CHRM3: variants seen among roughly 807,000 people sequenced by gnomAD.
CHRM3 encodes the protein cholinergic receptor muscarinic 3.
In CHRM3, 11 loss-of-function variants were observed where a neutral mutation model predicts 41.8. The ratio of observed to expected loss-of-function variants is 0.26; its 90% confidence interval spans 0.17 to 0.44. The LOEUF is 0.44. Ranked by LOEUF, CHRM3 falls within the 20% of genes least tolerant of loss-of-function variation. The pLI, the probability that CHRM3 is intolerant of heterozygous loss-of-function variation, is 1.00. For synonymous variants in CHRM3, 297 were observed against 301.4 expected (o/e 0.99, Z 0.15); for missense variants, 571 against 745.4 (o/e 0.77, Z 2.72).
At chr1:239,534,117 C>A (rs1657965135) in intron 2 of CHRM3, among the ~76,000 whole-genome samples, 1 of 152,154 alleles carries the variant, frequency 6.6e-6, no homozygotes, top group Non-Finnish European at 1.5e-5. Flanking sequence ...CGCTTGAGGT[C>A]AGGAGTTCGA....
intron 5 of CHRM3, among the ~76,000 whole-genome samples, chr1:239,686,934 T>G (rs1035494393): frequency 2.0e-5 from 3 of 152,134 alleles, no homozygotes; most frequent in Non-Finnish European, 4.4e-5. Flanking sequence ...TTTAATAGCT[T>G]TAATAACAGG....
In CHRM3 at chr1:239,883,498, C is replaced by G. The variant is rs1006138583; in HGVS notation, c.-19-23935C>G. Among the ~76,000 whole-genome samples, 8 of 152,134 alleles carry G rather than the reference C, an allele frequency of 5.3e-5. No individual in the cohort carries two copies. In the East Asian group the frequency reaches 1.3e-3, roughly 26 times the overall value. On this transcript the variant is annotated intron_variant, in intron 6 of 6. Transcript: ENST00000676153. ...GTTTATATTACTTATTTAGCAAACA[C>G]TGCTTGCTCTCTATGTGCTGAGCAT...
At position 239,530,970 on chromosome 1, in the gene CHRM3, AAG is replaced by A. The variant is rs1238603719; in HGVS notation, c.-421-14669_-421-14668del. ...GTGAAACATATCAATCTACATATTCAAGAAGCTCAACGAACTGCAAGTCAGAG... is the reference window on the plus strand; with the variant it reads ...GTGAAACATATCAATCTACATATTCAAAGCTCAACGAACTGCAAGTCAGAG... On this transcript the variant is annotated intron_variant, in intron 2 of 6. Coordinates refer to ENST00000676153, the MANE Select transcript of CHRM3 (RefSeq NM_001375978.1). Among the ~76,000 whole-genome samples, 4 of 152,306 alleles carry A rather than the reference AAG, an allele frequency of 2.6e-5. No individual in the cohort carries two copies. The East Asian group carries it at 7.7e-4, about 29-fold the overall frequency.
chr1:239,535,444 T>C (rs1244581066), intron 2 of CHRM3, among the ~76,000 whole-genome samples: 1 of 150,088 alleles, frequency 6.7e-6, no homozygotes, highest in Non-Finnish European at 1.5e-5. Context: ...CACCAAGTCT[T>C]ACTTAAGATG....
chr1:239,609,196 A>C (rs1317231285), intron 3 of CHRM3, among the ~76,000 whole-genome samples: 1 of 152,182 alleles, frequency 6.6e-6, no homozygotes, highest in Non-Finnish European at 1.5e-5. Flanking sequence ...GCTTTCTGTC[A>C]GTATAGATTA....
chr1:239,852,832 GTAT>G (rs1674805218), intron 6 of CHRM3, among the ~76,000 whole-genome samples: 1 of 152,062 alleles, frequency 6.6e-6, no homozygotes. Flanking sequence ...ACACTTAATA[GTAT>G]TATTATGGGA....
intron 5 of CHRM3, among the ~76,000 whole-genome samples, chr1:239,777,863 A>C (rs1416892035): frequency 2.0e-5 from 3 of 152,174 alleles, no homozygotes; most frequent in African/African-American, 4.8e-5. Flanking sequence ...GACCTAGATA[A>C]AATGCCTTTG....
In CHRM3 at chr1:239,682,264, G is replaced by A. The variant is rs1207773546; in HGVS notation, c.-147+3976G>A. On this transcript the variant is annotated intron_variant, in intron 5 of 6. Transcript: ENST00000676153. Reference sequence around the variant, plus strand: ...TCCTTCGTGAATAGAGCTGTAATGAGGTCACAGATTCCTTTCAAGCCATTT... The same window carrying A: ...TCCTTCGTGAATAGAGCTGTAATGAAGTCACAGATTCCTTTCAAGCCATTT... Among the ~76,000 whole-genome samples, 6 of 152,168 alleles carry A rather than the reference G, an allele frequency of 3.9e-5. No homozygotes were observed. In the East Asian group the frequency reaches 7.7e-4, roughly 20 times the overall value.
intron 2 of CHRM3, among the ~76,000 whole-genome samples, chr1:239,519,705 C>T (rs1253800176): frequency 6.9e-6 from 1 of 145,700 alleles, no homozygotes; most frequent in Admixed American, 6.8e-5. Context: ...GCCATTACAA[C>T]TTACCTTGCC....
At chr1:239,680,220 A>G (rs530053332) in intron 5 of CHRM3, among the ~76,000 whole-genome samples, 3 of 152,132 alleles carry the variant, frequency 2.0e-5, no homozygotes, top group Admixed American at 6.5e-5. Flanking sequence ...TATAGAAAAT[A>G]TCTGGTTGAC....
Position 239,638,704 on chromosome 1 carries a change from T to G in CHRM3, c.-250+6418T>G, listed in dbSNP as rs867570931. 5.9e-4 allele frequency among the ~76,000 whole-genome samples: 90 copies of G among 152,254 alleles called. 1 individual carries two copies. The Middle Eastern group carries it at 0.014, about 23-fold the overall frequency. The stretch of plus-strand genomic sequence containing the variant: ...GTAGGTTGCGAAAATTTTCTCCCAT[T>G]TTGTAGGTTGCTGGTTCACTCTGAT... On this transcript the variant is annotated intron_variant, in intron 4 of 6. Coordinates refer to ENST00000676153, the MANE Select transcript of CHRM3 (RefSeq NM_001375978.1).
chr1:239,907,059 CA>C lies in CHRM3; in HGVS notation c.-19-373del, dbSNP rs1387086806. On this transcript the variant is annotated intron_variant, in intron 6 of 6. Coordinates refer to ENST00000676153, the MANE Select transcript of CHRM3 (RefSeq NM_001375978.1). The surrounding 1 kb of genome is among the most constrained non-coding windows in gnomAD (Gnocchi z 5.4). Reference sequence around the variant, plus strand: ...AAATCAAGTCAAGTTATCAATTTAGCATGAAGATAAAGCTGTTTGGATAATT... The same window carrying C: ...AAATCAAGTCAAGTTATCAATTTAGCTGAAGATAAAGCTGTTTGGATAATT... Among the ~76,000 whole-genome samples the C allele has an allele frequency of 2.0e-5, 3 of 152,132 alleles. No individual in the cohort carries two copies. Among genetic ancestry groups the C allele is most frequent in the Non-Finnish European group, 4.4e-5 (3 of 68,026 alleles).
chr1:239,547,612 C>A (rs1433621282), intron 3 of CHRM3, among the ~76,000 whole-genome samples: 1 of 152,120 alleles, frequency 6.6e-6, no homozygotes, highest in Non-Finnish European at 1.5e-5. Context: ...GATGGCTTAA[C>A]ACAGCATCCA....
chr1:239,633,128 T>C (rs1670047577), intron 4 of CHRM3, among the ~76,000 whole-genome samples: 1 of 152,140 alleles, frequency 6.6e-6, no homozygotes, highest in Non-Finnish European at 1.5e-5. Context: ...GCTGCCACCA[T>C]GCCTGGCTAA....
chr1:239,722,679 C>T (rs1663086704), intron 5 of CHRM3, among the ~76,000 whole-genome samples: 1 of 151,838 alleles, frequency 6.6e-6, no homozygotes, highest in Non-Finnish European at 1.5e-5. Flanking sequence ...GAACTTTGTA[C>T]AAATAATGCA....
chr1:239,851,563 A>G (rs1674696968), intron 6 of CHRM3, among the ~76,000 whole-genome samples: 1 of 152,178 alleles, frequency 6.6e-6, no homozygotes, highest in African/African-American at 2.4e-5. Context: ...AAATTTGACC[A>G]CATTTGATTA....
At chr1:239,405,132 T>C (rs1660493543) in intron 1 of CHRM3, among the ~76,000 whole-genome samples, 1 of 152,170 alleles carries the variant, frequency 6.6e-6, no homozygotes, top group Admixed American at 6.5e-5. Context: ...TCAAAAATCA[T>C]ACAACTAATA....
At chr1:239,765,357 G>A (rs1313893822) in intron 5 of CHRM3, among the ~76,000 whole-genome samples, 2 of 152,118 alleles carry the variant, frequency 1.3e-5, no homozygotes, top group South Asian at 2.1e-4. Context: ...TGCTACTTAC[G>A]CACTCACCAC....
chr1:239,743,289 C>T (rs1665018775), intron 5 of CHRM3, among the ~76,000 whole-genome samples: 1 of 152,170 alleles, frequency 6.6e-6, no homozygotes, highest in South Asian at 2.1e-4. Flanking sequence ...CATCACTTTA[C>T]TTGTTGGTCT....
Sources: gnomAD v4.1 joint callset for allele counts (sites outside exome capture counted in the v4.1 genomes callset) on GRCh38, gnomAD v4.1.1 for gene constraint, Gnocchi (gnomAD v3.1) non-coding constraint, MANE v1.5 for transcripts, NCBI Gene and HGNC (gene_info 2026-07-23, HGNC 2026-07-21) for gene names.